Variants in SETBP1 observed in about 807,000 individuals in gnomAD.
SETBP1 encodes SET binding protein 1.
A neutral mutation model predicts 101.0 loss-of-function variants in SETBP1; 9 were observed. The ratio of observed to expected loss-of-function variants is 0.09; its 90% CI spans 0.05 to 0.16. SETBP1 has a LOEUF of 0.16. SETBP1 is among the 10% of genes least tolerant of loss of function. The pLI is 1.00. For synonymous variants in SETBP1, 818 were observed against 788.5 expected (o/e 1.04, Z -0.63); for missense variants, 1,858 against 2,033.8 (o/e 0.91, Z 1.66).
At chr18:44,766,194 A>G (rs1318709730) in intron 2 of SETBP1, among the ~76,000 whole-genome samples, 1 of 152,230 alleles carries the variant, frequency 6.6e-6, no homozygotes, top group African/African-American at 2.4e-5. Context: ...GTCCACATTG[A>G]AATACAGGAC....
chr18:45,016,274 G>A (rs553340893), intron 4 of SETBP1, among the ~76,000 whole-genome samples: 5 of 152,296 alleles, frequency 3.3e-5, no homozygotes, highest in Admixed American at 3.3e-4. Context: ...CAGGATGGCA[G>A]CCACAGCGTC....
intron 2 of SETBP1, among the ~76,000 whole-genome samples, chr18:44,827,816 C>T (rs1280760070): frequency 2.0e-5 from 3 of 152,180 alleles, no homozygotes; most frequent in Non-Finnish European, 4.4e-5. Context: ...CATTTGTTGA[C>T]CCTGTTAAGC....
At chr18:44,710,982 A>G (rs1316805016) in intron 2 of SETBP1, among the ~76,000 whole-genome samples, 2 of 152,112 alleles carry the variant, frequency 1.3e-5, no homozygotes, top group Non-Finnish European at 2.9e-5. Context: ...GCATACAGAC[A>G]GACACAACAT....
chr18:45,037,119 T>C (rs1352630035), intron 4 of SETBP1, among the ~76,000 whole-genome samples: 3 of 152,146 alleles, frequency 2.0e-5, no homozygotes, highest in Non-Finnish European at 4.4e-5. Flanking sequence ...TTAGTTGGGA[T>C]AGAAAAAATG....
chr18:44,789,130 G>A (rs1404071105), intron 2 of SETBP1, among the ~76,000 whole-genome samples: 3 of 152,092 alleles, frequency 2.0e-5, no homozygotes, highest in African/African-American at 7.2e-5. Context: ...ATGATTTAAA[G>A]TGTCTTATTT....
At chr18:44,718,444 C>T (rs1469196653) in intron 2 of SETBP1, among the ~76,000 whole-genome samples, 6 of 151,856 alleles carry the variant, frequency 4.0e-5, no homozygotes, top group Non-Finnish European at 7.4e-5. Context: ...ACAGTGGGCT[C>T]TACTGAGTCT....
intron 2 of SETBP1, among the ~76,000 whole-genome samples, chr18:44,811,235 C>T (rs1471717989): frequency 1.3e-5 from 2 of 152,216 alleles, no homozygotes; most frequent in Non-Finnish European, 1.5e-5. Context: ...CCTTGCAAAA[C>T]ATTTTCCGGG....
At chr18:44,723,491 C>T (rs543310434) in intron 2 of SETBP1, among the ~76,000 whole-genome samples, 4 of 152,182 alleles carry the variant, frequency 2.6e-5, no homozygotes, top group African/African-American at 7.2e-5. Flanking sequence ...TGGCAATCAG[C>T]GACAGTCGGC....
intron 4 of SETBP1, chr18:44,987,102 T>C (rs2145264578): frequency 6.6e-6 from 1 of 152,210 alleles, no homozygotes; most frequent in East Asian, 1.9e-4. Flanking sequence ...GCATAAAGCA[T>C]TGTGTAATAG....
chr18:44,786,135 G>A (rs2071234521), intron 2 of SETBP1, among the ~76,000 whole-genome samples: 1 of 151,992 alleles, frequency 6.6e-6, no homozygotes, highest in African/African-American at 2.4e-5. Context: ...TTTATTGCTG[G>A]CCTCTAAGTC....
intron 2 of SETBP1, among the ~76,000 whole-genome samples, chr18:44,749,852 T>C (rs2070342492): frequency 6.6e-6 from 1 of 152,240 alleles, no homozygotes; most frequent in Non-Finnish European, 1.5e-5. Flanking sequence ...CATTCACTTG[T>C]TGTTTTCTGA....
At chr18:44,890,317 G>C (rs920047023) in intron 3 of SETBP1, among the ~76,000 whole-genome samples, 1 of 152,056 alleles carries the variant, frequency 6.6e-6, no homozygotes, top group East Asian at 1.9e-4. Flanking sequence ...AAATCTTTAT[G>C]TGAAAAGCAG....
chr18:44,774,529 A>G (rs752535735), intron 2 of SETBP1, among the ~76,000 whole-genome samples: 7 of 152,174 alleles, frequency 4.6e-5, no homozygotes, highest in African/African-American at 7.2e-5. Flanking sequence ...TCACTGCTAT[A>G]GGTGGTGATC....
intron 4 of SETBP1, among the ~76,000 whole-genome samples, chr18:44,963,899 C>CAAA (rs59077847): frequency 0.05 from 2,054 of 40,778 alleles, 174 homozygotes; most frequent in East Asian, 0.084. Flanking sequence ...GACCCCATCT[C>CAAA]AAAAAAAAAA....
At chr18:44,835,987 C>G (rs1246331118) in intron 2 of SETBP1, among the ~76,000 whole-genome samples, 1 of 152,210 alleles carries the variant, frequency 6.6e-6, no homozygotes, top group Non-Finnish European at 1.5e-5. Flanking sequence ...GCCAGGGGAG[C>G]CTGCCTGGCC....
At chr18:44,989,764 G>A (rs1017851661) in intron 4 of SETBP1, among the ~76,000 whole-genome samples, 2 of 149,220 alleles carry the variant, frequency 1.3e-5, no homozygotes, top group African/African-American at 2.4e-5. Context: ...AGCTACTTGG[G>A]AGGCTGAGGC....
At chr18:44,843,516 G>C (rs2072664322) in intron 2 of SETBP1, among the ~76,000 whole-genome samples, 1 of 152,208 alleles carries the variant, frequency 6.6e-6, no homozygotes, top group Non-Finnish European at 1.5e-5. Context: ...CCTCTGGGGA[G>C]CCAGGTGAAG....
At chr18:45,032,267 G>A (rs551000911) in intron 4 of SETBP1, among the ~76,000 whole-genome samples, 3 of 152,244 alleles carry the variant, frequency 2.0e-5, no homozygotes, top group East Asian at 1.9e-4. Context: ...TGAAGGACTC[G>A]TTGGACATCC....
chr18:44,874,956 G>A (rs536425612), intron 3 of SETBP1, among the ~76,000 whole-genome samples: 2 of 152,322 alleles, frequency 1.3e-5, no homozygotes, highest in South Asian at 4.1e-4. Context: ...GAAGGCTGAA[G>A]CAGGGCAGGG....
Sources: allele counts gnomAD v4.1 joint callset (sites outside exome capture counted in the v4.1 genomes callset), GRCh38; gene constraint gnomAD v4.1.1; transcripts MANE v1.5; gene names NCBI Gene and HGNC (gene_info 2026-07-23, HGNC 2026-07-21).